Variants in GPR137B observed in about 807,000 individuals in gnomAD.
The protein encoded by GPR137B is G protein-coupled receptor 137B, also known as integral membrane protein GPR137B.
GPR137B carries 42 observed loss-of-function variants against 42.5 expected under a neutral mutation model. The ratio of observed to expected loss-of-function variants is 0.99; its 90% CI spans 0.77 to 1.28. GPR137B has a LOEUF of 1.28. GPR137B is among the 50% of genes most tolerant of loss of function. The pLI, the probability that GPR137B is intolerant of heterozygous loss-of-function variation, is 0.00. For missense variants in GPR137B, 487 were observed against 493.9 expected (o/e 0.99, Z 0.13); for synonymous variants, 218 against 209.7 (o/e 1.04, Z -0.34).
At position 236,181,985 on chromosome 1, in the gene GPR137B, C is replaced by T. The variant is rs199513308; in HGVS notation, c.838-1793C>T. ...TTGGCTCACTGCAACCTCCGCCTCCCGGGTTCAAGCGATTCTTCTGCCTCA... is the reference window on the plus strand; with the variant it reads ...TTGGCTCACTGCAACCTCCGCCTCCTGGGTTCAAGCGATTCTTCTGCCTCA... On this transcript the variant is annotated intron_variant, in intron 4 of 6. Transcript: ENST00000366592. Among the ~76,000 whole-genome samples the T allele has an allele frequency of 1.5e-4, 23 of 150,472 alleles. No individual in the cohort carries two copies. The East Asian group carries it at 3.4e-3, about 22-fold the overall frequency.
At chr1:236,172,713 G>T (rs1430071672) in intron 2 of GPR137B, among the ~76,000 whole-genome samples, 6 of 148,724 alleles carry the variant, frequency 4.0e-5, no homozygotes, top group African/African-American at 1.2e-4. Context: ...AAGAGACAAG[G>T]TCTCACCCAG....
At chr1:236,175,828 A>G (rs1662669441) in intron 2 of GPR137B, among the ~76,000 whole-genome samples, 1 of 152,184 alleles carries the variant, frequency 6.6e-6, no homozygotes, top group Non-Finnish European at 1.5e-5. Flanking sequence ...GACAGGAGGA[A>G]GCAGCGGGGC....
intron 5 of GPR137B, among the ~76,000 whole-genome samples, chr1:236,184,925 C>T (rs574396490): frequency 6.6e-6 from 1 of 152,190 alleles, no homozygotes; most frequent in African/African-American, 2.4e-5. Flanking sequence ...CGCCACCATG[C>T]CTGGGTAATT....
intron 4 of GPR137B, among the ~76,000 whole-genome samples, chr1:236,180,845 T>C: frequency 6.6e-6 from 1 of 152,140 alleles, no homozygotes; most frequent in South Asian, 2.1e-4. Context: ...CTCGAACTCC[T>C]ACCTCAGGTG....
chr1:236,151,809 G>A lies in GPR137B; in HGVS notation c.414+8773G>A, dbSNP rs149736817. Among the ~76,000 whole-genome samples, 312 of 152,236 alleles carry A rather than the reference G, an allele frequency of 2.0e-3. 1 individual carries two copies. The Middle Eastern group carries it at 0.024, about 12-fold the overall frequency. On this transcript the variant is annotated intron_variant, in intron 1 of 6. Coordinates refer to ENST00000366592, the MANE Select transcript of GPR137B (RefSeq NM_003272.4). ...ACAGGGTGAAAAAACCCCCATACAC[G>A]GTGGGGTTGGCTCTGTGGGCTGCTC...
Position 236,208,393 on chromosome 1 carries a change from A to G in GPR137B, c.*235A>G, listed in dbSNP as rs12044057. On this transcript the variant is annotated 3_prime_UTR_variant, in exon 7 of 7. Transcript: ENST00000366592. ...GTATAATTTAAACTTTTTAAAGAAAATCTGTACTTTTATAAAGATGTATTT... is the reference window on the plus strand; with the variant it reads ...GTATAATTTAAACTTTTTAAAGAAAGTCTGTACTTTTATAAAGATGTATTT... The G allele has an allele frequency of 1.9e-4, 210 of 1,111,898 alleles. No individual in the cohort carries two copies. Among genetic ancestry groups the G allele is most frequent in the Admixed American group, 3.4e-4 (9 of 26,812 alleles). The allele number at this position is 1,111,898 out of a possible 1,614,324, so 68.9% of individuals were successfully genotyped here.
rs1662534291 is a variant in GPR137B at position 236,171,403 on chromosome 1, G to A, written c.464+2648G>A. Among the ~76,000 whole-genome samples, 1 of 152,220 alleles carries A rather than the reference G, an allele frequency of 6.6e-6. No individual in the cohort carries two copies. The highest frequency in any genetic ancestry group is 2.4e-5 in the African/African-American group (1 of 41,450). On this transcript the variant is annotated intron_variant, in intron 2 of 6. Transcript: ENST00000366592. The surrounding 1 kb of genome is among the most constrained non-coding windows in gnomAD (Gnocchi z 4.4). Reference sequence around the variant, plus strand: ...CAGCCAGAAATGTAGGTCAAAGCATGAGTGAAGATGGGCATAGGAGGAGAA... The same window carrying A: ...CAGCCAGAAATGTAGGTCAAAGCATAAGTGAAGATGGGCATAGGAGGAGAA...
intron 1 of GPR137B, among the ~76,000 whole-genome samples, chr1:236,148,735 GTGGTGAGGGCCTGCGGCTCA>G (rs1178049711): frequency 6.6e-6 from 1 of 152,178 alleles, no homozygotes; most frequent in African/African-American, 2.4e-5. Flanking sequence ...CCAGGGGCTC[GTGGTGAGGGCCTGCGGCTCA>G]TGGTAGGGGC....
At chr1:236,169,896 C>T (rs377686410) in intron 2 of GPR137B, among the ~76,000 whole-genome samples, 6 of 151,970 alleles carry the variant, frequency 3.9e-5, no homozygotes, top group Non-Finnish European at 5.9e-5. Flanking sequence ...AAAAATTAGC[C>T]GGGCGAGGTA....
Position 236,155,998 on chromosome 1 carries a change from C to T in GPR137B, c.415-12708C>T, listed in dbSNP as rs1380697384. 6.6e-6 allele frequency among the ~76,000 whole-genome samples: 1 copy of T among 152,208 alleles called. No individual in the cohort carries two copies. The highest frequency in any genetic ancestry group is 1.5e-5 in the Non-Finnish European group (1 of 68,026). ...ACACACACGCGCGCGCGCAAACACA[C>T]ATGCATACACCTGAGGAAGGATCAT... On this transcript the variant is annotated intron_variant, in intron 1 of 6. Coordinates refer to ENST00000366592, the MANE Select transcript of GPR137B (RefSeq NM_003272.4). This position sits in a 1 kb window ranked among gnomAD's most constrained non-coding sequence, Gnocchi z 4.6.
chr1:236,157,267 C>T (rs1224448182), intron 1 of GPR137B, among the ~76,000 whole-genome samples: 1 of 151,792 alleles, frequency 6.6e-6, no homozygotes, highest in Non-Finnish European at 1.5e-5. Context: ...CTCAGTCGCC[C>T]AGGCTGGAGT....
In GPR137B at chr1:236,142,945, C is replaced by A. The variant is rs1243705677; in HGVS notation, c.323C>A (p.Ser108Ter). The change falls in exon 1 of 7, where the codon TCG (serine) becomes TAG (stop). Residue 108 changes from serine (S) to a stop codon, truncating the protein, a stop_gained. Transcript: ENST00000366592. LOFTEE classifies it high-confidence loss of function. Reference protein sequence around the residue: ...FYFKDFVAANSLSPFVFWLLY... With the variant: ...FYFKDFVAAN ...TTCAAAGACTTCGTGGCGGCCAATTCGCTCAGCCCCTTCGTCTTCTGGCTG... is the reference window on the plus strand; with the variant it reads ...TTCAAAGACTTCGTGGCGGCCAATTAGCTCAGCCCCTTCGTCTTCTGGCTG... 1 of 1,614,126 alleles carries A rather than the reference C, an allele frequency of 6.2e-7. No individual in the cohort carries two copies. Among genetic ancestry groups the A allele is most frequent in the South Asian group, 1.1e-5 (1 of 91,090 alleles).
In GPR137B at chr1:236,202,448, G is replaced by A. The variant is rs144857516; in HGVS notation, c.967-2678G>A. 2.7e-3 allele frequency among the ~76,000 whole-genome samples: 413 copies of A among 152,034 alleles called. 5 individuals carry two copies. The highest frequency in any genetic ancestry group is 9.5e-3 in the African/African-American group (392 of 41,352). On this transcript the variant is annotated intron_variant, in intron 5 of 6. Coordinates refer to ENST00000366592, the MANE Select transcript of GPR137B (RefSeq NM_003272.4). ...CTCTCAGAATTTGCAGTGGCCTGCC[G>A]CTTCTTTCCAAGTGTCTGTGAATTC... is the stretch of plus-strand genomic sequence containing the variant.
At chr1:236,204,460 A>G (rs1273741683) in intron 5 of GPR137B, among the ~76,000 whole-genome samples, 5 of 152,162 alleles carry the variant, frequency 3.3e-5, no homozygotes, top group Non-Finnish European at 7.3e-5. Context: ...GATTAGTTTG[A>G]GTATGACTGA....
intron 1 of GPR137B, among the ~76,000 whole-genome samples, chr1:236,168,037 G>A (rs1487142977): frequency 6.6e-6 from 1 of 152,184 alleles, no homozygotes; most frequent in Admixed American, 6.5e-5. Flanking sequence ...TATTTTAAAT[G>A]TACTGCAAAG....
chr1:236,166,764 C>A (rs1252487882), intron 1 of GPR137B, among the ~76,000 whole-genome samples: 14 of 151,908 alleles, frequency 9.2e-5, no homozygotes, highest in Non-Finnish European at 1.5e-5. Context: ...GTGGGTGGGG[C>A]ACTTGAGGTC....
rs532000973 is a variant in GPR137B, at chr1:236,147,060, C to T, written c.414+4024C>T. On this transcript the variant is annotated intron_variant, in intron 1 of 6. Transcript: ENST00000366592. The stretch of plus-strand genomic sequence containing the variant: ...CTGACCTCAGGTGATCTGCCTACCT[C>T]GGCTTCCCAAAGTGCTGGGATTGCA... Among the ~76,000 whole-genome samples the T allele has an allele frequency of 1.5e-4, 23 of 152,332 alleles. No homozygotes were observed. The South Asian group carries it at 3.1e-3, about 21-fold the overall frequency.
intron 1 of GPR137B, among the ~76,000 whole-genome samples, chr1:236,148,007 T>G (rs1298899326): frequency 6.6e-6 from 1 of 152,224 alleles, no homozygotes; most frequent in Non-Finnish European, 1.5e-5. Context: ...TGTGGCTCCT[T>G]GTGCCAGCTT....
intron 5 of GPR137B, among the ~76,000 whole-genome samples, chr1:236,203,133 A>G (rs1277717094): frequency 6.6e-6 from 1 of 152,016 alleles, no homozygotes; most frequent in Non-Finnish European, 1.5e-5. Flanking sequence ...GCTGGAGTGC[A>G]ATGGCGTGAT....
Sources: gnomAD v4.1 joint callset for allele counts (sites outside exome capture counted in the v4.1 genomes callset) on GRCh38, gnomAD v4.1.1 for gene constraint, Gnocchi (gnomAD v3.1) non-coding constraint, MANE v1.5 for transcripts, NCBI Gene and HGNC (gene_info 2026-07-23, HGNC 2026-07-21) for gene names.